The following ZDHHC15 variants were observed in gnomAD, a reference collection of about 807,000 sequenced individuals.
ZDHHC15 encodes the protein zDHHC palmitoyltransferase 15.
Under a neutral mutation model 31.7 loss-of-function variants are expected in ZDHHC15, and 19 were observed. The observed-to-expected ratio is 0.60, with a 90% CI of 0.42 to 0.88. The LOEUF (loss-of-function observed/expected upper bound fraction) is 0.88, where lower values mean the gene tolerates loss of function less well. Among genes scored for constraint, ZDHHC15 ranks in the 40% least tolerant of loss-of-function variants. The probability of loss-of-function intolerance (pLI) is 0.00; values close to 1 mark genes in which losing one functional copy is unlikely to be tolerated. For missense variants in ZDHHC15, 209 were observed against 251.2 expected (o/e 0.83, Z 1.14); for synonymous variants, 103 against 90.0 (o/e 1.14, Z -0.82).
In ZDHHC15 at chrX:75,513,969, GA is replaced by G. The variant is rs1471727747; in HGVS notation, c.137-8123del. The stretch of plus-strand genomic sequence containing the variant: ...AAATGTGATATTTAAATTGCTGAAA[GA>G]AAAAGAAAAACATCTGTCAACACAT... On this transcript the variant is annotated intron_variant, in intron 1 of 11. Coordinates refer to ENST00000373367, the MANE Select transcript of ZDHHC15 (RefSeq NM_144969.3). Among the ~76,000 whole-genome samples, 6 of 111,834 alleles carry G rather than the reference GA, an allele frequency of 5.4e-5. No individual in the cohort carries two copies. In the Admixed American group the frequency reaches 5.7e-4, roughly 11 times the overall value.
At chrX:75,473,427 C>T (rs2084535390) in intron 3 of ZDHHC15, among the ~76,000 whole-genome samples, 1 of 110,924 alleles carries the variant, frequency 9.0e-6, no homozygotes, top group Non-Finnish European at 1.9e-5. Context: ...CTTCCTGTTC[C>T]CACAACATTA....
intron 2 of ZDHHC15, among the ~76,000 whole-genome samples, chrX:75,488,406 T>C (rs1296788024): frequency 8.9e-6 from 1 of 112,030 alleles, no homozygotes. Context: ...AAGAATTTTG[T>C]ATCTGGCAAA....
chrX:75,507,826 A>G (rs770486660), intron 1 of ZDHHC15, among the ~76,000 whole-genome samples: 7 of 111,785 alleles, frequency 6.3e-5, no homozygotes, highest in Non-Finnish European at 1.1e-4. Context: ...GAAGGATGGT[A>G]TATATGGAAT....
intron 1 of ZDHHC15, among the ~76,000 whole-genome samples, chrX:75,513,627 A>G (rs953901388): frequency 9.0e-6 from 1 of 111,657 alleles, no homozygotes; most frequent in African/African-American, 3.3e-5. Flanking sequence ...CTATATCCTA[A>G]CATACTAATA....
At chrX:75,418,844 C>A (rs2147837092) in intron 9 of ZDHHC15, among the ~76,000 whole-genome samples, 1 of 111,924 alleles carries the variant, frequency 8.9e-6, no homozygotes, top group South Asian at 3.7e-4. Context: ...GACATAAAAC[C>A]ATAAAAACCT....
chrX:75,454,951 T>C (rs1293419672), intron 3 of ZDHHC15, among the ~76,000 whole-genome samples: 5 of 111,005 alleles, frequency 4.5e-5, no homozygotes, highest in Non-Finnish European at 9.4e-5. Context: ...CCCAAGGTAA[T>C]TTATAGATTC....
At chrX:75,516,442 A>T (rs895517610) in intron 1 of ZDHHC15, among the ~76,000 whole-genome samples, 3 of 112,345 alleles carry the variant, frequency 2.7e-5, no homozygotes, top group African/African-American at 6.5e-5. Flanking sequence ...CATATCTATA[A>T]CCATCTGCTC....
At chrX:75,394,206 A>C (rs1403332306) in intron 10 of ZDHHC15, among the ~76,000 whole-genome samples, 1 of 111,661 alleles carries the variant, frequency 9.0e-6, no homozygotes, top group Non-Finnish European at 1.9e-5. Flanking sequence ...AGATACACAA[A>C]AAATAACAAG....
At chrX:75,485,754 G>C (rs2084767672) in intron 2 of ZDHHC15, among the ~76,000 whole-genome samples, 1 of 112,086 alleles carries the variant, frequency 8.9e-6, no homozygotes, top group African/African-American at 3.2e-5. Context: ...GTATACAATA[G>C]ACACTACCAA....
At chrX:75,493,616 G>C (rs900838540) in intron 2 of ZDHHC15, among the ~76,000 whole-genome samples, 1 of 111,961 alleles carries the variant, frequency 8.9e-6, no homozygotes, top group Admixed American at 9.5e-5. Flanking sequence ...TGGGATGCAA[G>C]CCTGGTTCAA....
intron 2 of ZDHHC15, among the ~76,000 whole-genome samples, chrX:75,486,698 G>C (rs970131898): frequency 9.0e-6 from 1 of 111,541 alleles, no homozygotes; most frequent in African/African-American, 3.3e-5. Flanking sequence ...GCTAGGTGAG[G>C]CCTGTCACTG....
intron 4 of ZDHHC15, among the ~76,000 whole-genome samples, chrX:75,442,092 C>A (rs764566136): frequency 1.8e-5 from 2 of 112,096 alleles, no homozygotes; most frequent in Non-Finnish European, 3.8e-5. Context: ...TCATACGGTG[C>A]CCAGATATTT....
intron 10 of ZDHHC15, among the ~76,000 whole-genome samples, chrX:75,407,489 G>A (rs1208875151): frequency 1.3e-3 from 137 of 103,512 alleles, no homozygotes; most frequent in Admixed American, 2.1e-3. Context: ...CAGCCGCCCC[G>A]TCCGGGAGGG....
intron 2 of ZDHHC15, among the ~76,000 whole-genome samples, chrX:75,488,292 G>T (rs1319632669): frequency 8.9e-6 from 1 of 111,951 alleles, no homozygotes; most frequent in Non-Finnish European, 1.9e-5. Context: ...AAACTATAAA[G>T]AAAAACCTAG....
chrX:75,471,193 C>G (rs1227801108), intron 3 of ZDHHC15, among the ~76,000 whole-genome samples: 1 of 112,321 alleles, frequency 8.9e-6, no homozygotes, highest in Non-Finnish European at 1.9e-5. Flanking sequence ...TAAGGCCCAC[C>G]AGAAGCAATT....
intron 2 of ZDHHC15, among the ~76,000 whole-genome samples, chrX:75,489,018 G>C (rs889126874): frequency 2.7e-5 from 3 of 111,876 alleles, no homozygotes; most frequent in Non-Finnish European, 5.6e-5. Flanking sequence ...AGCAGTCTGA[G>C]ATCAAACTGC....
chrX:75,501,786 T>C (rs1412106533), intron 2 of ZDHHC15: 1 of 111,651 alleles, frequency 9.0e-6, no homozygotes, highest in Non-Finnish European at 1.9e-5. Flanking sequence ...CACTTTTCAA[T>C]GGGATTATTT....
rs147468050 is a variant in ZDHHC15 at position 75,417,147 on chromosome X, A to T, written c.907T>A (p.Ser303Thr). 7.5e-5 allele frequency: 91 copies of T among 1,207,109 alleles called. No individual in the cohort carries two copies. The highest frequency in any genetic ancestry group is 9.6e-5 in the Non-Finnish European group (86 of 893,573). The change falls in exon 10 of 12, where the codon TCA (serine) becomes ACA (threonine). Residue 303 changes from serine to threonine, a missense_variant. Ser to Thr is a moderately conservative substitution (Grantham distance 58). Transcript: ENST00000373367. The stretch of plus-strand genomic sequence containing the variant: ...TCATTTGCTAGCAGTGGGTTCTGTG[A>T]CTCATTCATAGACCTCATAGGGAAG... ...HSFPMRSMNE[S>T]QNPLLANEET... is the part of the protein sequence containing the mutation.
At chrX:75,507,360 T>C (rs1034999021) in intron 1 of ZDHHC15, among the ~76,000 whole-genome samples, 28 of 108,515 alleles carry the variant, frequency 2.6e-4, no homozygotes, top group African/African-American at 9.3e-4. Flanking sequence ...CCAAGGGAAT[T>C]TTTTTTTTTT....
Sources: gnomAD v4.1 joint callset for allele counts (sites outside exome capture counted in the v4.1 genomes callset) on GRCh38, gnomAD v4.1.1 for gene constraint, MANE v1.5 for transcripts, NCBI Gene and HGNC (gene_info 2026-07-23, HGNC 2026-07-21) for gene names.